DNAH5: variants seen among roughly 807,000 people sequenced by gnomAD.
DNAH5 encodes the protein dynein axonemal heavy chain 5.
A neutral mutation model predicts 518.2 loss-of-function variants in DNAH5; 372 were observed. The observed-to-expected ratio is 0.72, with a 90% confidence interval of 0.66 to 0.78. DNAH5 has a LOEUF of 0.78. Ranked by LOEUF, DNAH5 falls within the 30% of genes least tolerant of loss-of-function variation. The pLI, the probability that DNAH5 is intolerant of heterozygous loss-of-function variation, is 0.00. For synonymous variants in DNAH5, 2,039 were observed against 2,025.9 expected (o/e 1.01, Z -0.17); for missense variants, 5,523 against 5,687.0 (o/e 0.97, Z 0.93).
At chr5:13,739,608 T>G (rs973933865) in intron 65 of DNAH5, among the ~76,000 whole-genome samples, 36 of 152,052 alleles carry the variant, frequency 2.4e-4, no homozygotes, top group Admixed American at 2.6e-4. Flanking sequence ...AAATCTAGAG[T>G]GAGGCAGTGA....
In DNAH5 at chr5:13,900,378, A is replaced by T. The variant is rs1002831578; in HGVS notation, c.2087T>A (p.Leu696Ter). 1.2e-6 allele frequency: 2 copies of T among 1,614,010 alleles called. No individual in the cohort carries two copies. The highest frequency in any genetic ancestry group is 1.3e-5 in the African/African-American group (1 of 74,906). The change falls in exon 15 of 79, where the codon TTA (leucine) becomes TAA (stop). Residue 696 changes from leucine (L) to a stop codon, truncating the protein, a stop_gained. Coordinates refer to ENST00000265104, the MANE Select transcript of DNAH5 (RefSeq NM_001369.3). LOFTEE classifies it high-confidence loss of function. ...EEIHVGLEASLLVKAPGTGEL... is the reference protein window; with the variant it reads ...EEIHVGLEAS Reference sequence around the variant, plus strand: ...CCCTGTGCCTGGAGCCTTCACCAATAATGAAGCCTCAAGACCTACATGAAT... The same window carrying T: ...CCCTGTGCCTGGAGCCTTCACCAATTATGAAGCCTCAAGACCTACATGAAT...
At chr5:13,989,267 AG>A (rs1783318798) in intron 1 of DNAH5, among the ~76,000 whole-genome samples, 3 of 152,232 alleles carry the variant, frequency 2.0e-5, no homozygotes, top group African/African-American at 7.2e-5. Context: ...CTTCACAATA[AG>A]AAATCCATAA....
rs561555495 is a variant in DNAH5, at chr5:13,931,164, G to A, written c.138C>T (p.Ser46=). The change falls in exon 2 of 79, where the codon TCC becomes TCT. Residue 46 remains serine, a synonymous_variant. Coordinates refer to ENST00000265104, the MANE Select transcript of DNAH5 (RefSeq NM_001369.3). The part of the protein sequence containing the change: ...RHNYLFAIVA[S]CLDLNKTEVE... ...CTTCGGTTTTGTTCAGGTCCAAACAGGAAGCCACAATTGCAAATAAGTAGT... is the reference window on the plus strand; with the variant it reads ...CTTCGGTTTTGTTCAGGTCCAAACAAGAAGCCACAATTGCAAATAAGTAGT... The A allele has an allele frequency of 7.2e-5, 117 of 1,614,126 alleles. 1 individual carries two copies. In the South Asian group the frequency reaches 1.2e-3, roughly 16 times the overall value.
chr5:13,986,254 C>A (rs1480122608), intron 1 of DNAH5, among the ~76,000 whole-genome samples: 1 of 152,262 alleles, frequency 6.6e-6, no homozygotes, highest in African/African-American at 2.4e-5. Flanking sequence ...CCCAGCAGCC[C>A]AGGGGTGGAA....
At chr5:13,736,758 A>G (rs1747524039) in intron 66 of DNAH5, among the ~76,000 whole-genome samples, 1 of 152,128 alleles carries the variant, frequency 6.6e-6, no homozygotes, top group Non-Finnish European at 1.5e-5. Context: ...ATAAAATACT[A>G]AAAGATAGCC....
intron 1 of DNAH5, among the ~76,000 whole-genome samples, chr5:14,006,035 C>A (rs1434968169): frequency 7.0e-6 from 1 of 142,126 alleles, no homozygotes; most frequent in African/African-American, 2.6e-5. Context: ...TGCAGACCCA[C>A]ACCTTTTGTC....
chr5:13,860,571 G>A lies in DNAH5; in HGVS notation c.4797-966C>T, dbSNP rs1392163959. On this transcript the variant is annotated intron_variant, in intron 29 of 78. Transcript: ENST00000265104. Reference sequence around the variant, plus strand: ...TACATGAAATGTGAGTAGTGGCATTGGATGTAATGGGTAGTATGGGGAATA... The same window carrying A: ...TACATGAAATGTGAGTAGTGGCATTAGATGTAATGGGTAGTATGGGGAATA... 5 of 152,248 alleles carry A rather than the reference G, an allele frequency of 3.3e-5. No homozygotes were observed. The East Asian group carries it at 9.7e-4, about 29-fold the overall frequency. The allele number at this position is 152,248 out of a possible 1,614,324, so 9.4% of individuals were successfully genotyped here. A position where few individuals can be genotyped will look rare whatever the true frequency, so the allele number is the denominator to read the frequency against.
At chr5:13,735,535 G>A (rs1360240524) in intron 67 of DNAH5, among the ~76,000 whole-genome samples, 1 of 152,112 alleles carries the variant, frequency 6.6e-6, no homozygotes, top group African/African-American at 2.4e-5. Context: ...AATTCTACCT[G>A]CAGGGCATCA....
At chr5:13,727,684 G>C in intron 69 of DNAH5, 28 bp from the exon 70 acceptor site, 5 of 1,613,338 alleles carry the variant, frequency 3.1e-6, no homozygotes, top group South Asian at 1.1e-5. Context: ...TAAAAACTGT[G>C]TCATGCCACC....
intron 78 of DNAH5, among the ~76,000 whole-genome samples, chr5:13,696,692 A>G (rs943467658): frequency 1.3e-5 from 2 of 152,204 alleles, no homozygotes; most frequent in Non-Finnish European, 2.9e-5. Context: ...AATTGAGTAA[A>G]AATTAAATAT....
In DNAH5 at chr5:13,830,090, G is replaced by T. The variant is rs1004071220; in HGVS notation, c.6185C>A (p.Ser2062Tyr). Reference sequence around the variant, plus strand: ...ATTATCTCCATCAGTAAAGATAAAAGACTTTTTGTGCTCCTTTTTACATGT... The same window carrying T: ...ATTATCTCCATCAGTAAAGATAAAATACTTTTTGTGCTCCTTTTTACATGT... ...ILTCKKEHKK[S>Y]FIFTDGDNVT... The change falls in exon 37 of 79, where the codon TCT (serine) becomes TAT (tyrosine). Residue 2062 changes from serine (S) to tyrosine (Y), a missense_variant. This residue lies in a region of DNAH5 where 5,121 missense variants were observed against 5,223.3 expected (regional missense o/e 0.98). Transcript: ENST00000265104. The T allele has an allele frequency of 6.2e-6, 10 of 1,613,996 alleles. No homozygotes were observed. The highest frequency in any genetic ancestry group is 8.5e-6 in the Non-Finnish European group (10 of 1,179,956).
At chr5:13,950,438 G>A (rs907668887) in intron 1 of DNAH5, among the ~76,000 whole-genome samples, 4 of 152,004 alleles carry the variant, frequency 2.6e-5, no homozygotes, top group African/African-American at 9.7e-5. Flanking sequence ...CACCACGCCT[G>A]GCTAATTTTG....
At position 13,750,963 on chromosome 5, in the gene DNAH5, A is replaced by T. The variant is rs565631599; in HGVS notation, c.11211+115T>A. On this transcript the variant is annotated intron_variant, in intron 65 of 78. Transcript: ENST00000265104. ...CACTTGGAGATTAATGGAAAAAAAC[A>T]CAGGGAATAAAAGGAGAGAAACTCA... 7 of 1,177,968 alleles carry T rather than the reference A, an allele frequency of 5.9e-6. No individual in the cohort carries two copies. In the South Asian group the frequency reaches 9.5e-5, roughly 16 times the overall value. The allele number at this position is 1,177,968 out of a possible 1,614,324, so 73.0% of individuals were successfully genotyped here.
chr5:13,778,388 T>C (rs1391560678), intron 53 of DNAH5, among the ~76,000 whole-genome samples: 1 of 146,526 alleles, frequency 6.8e-6, no homozygotes, highest in African/African-American at 2.5e-5. Flanking sequence ...CAAATACTTC[T>C]AGAAGACACC....
At position 13,914,569 on chromosome 5, in the gene DNAH5, G is replaced by T. The variant is rs757253853; in HGVS notation, c.1271C>A (p.Pro424Gln). 2 of 1,613,404 alleles carry T rather than the reference G, an allele frequency of 1.2e-6. No homozygotes were observed. Among genetic ancestry groups the T allele is most frequent in the South Asian group, 2.2e-5 (2 of 91,050 alleles). The change falls in exon 10 of 79, where the codon CCA becomes CAA. Residue 424 changes from proline (P) to glutamine (Q), a missense_variant. Pro to Gln is a moderately conservative substitution (Grantham distance 76). Coordinates refer to ENST00000265104, the MANE Select transcript of DNAH5 (RefSeq NM_001369.3). ...TATTTTTTCTTCAACAACATCCTGT[G>T]GCTGGTTCCAGATGGAAGCGGTTCC... ...NNGTASIWNQ[P>Q]QDVVEEKILS...
intron 68 of DNAH5, among the ~76,000 whole-genome samples, chr5:13,733,286 T>A (rs1267150007): frequency 6.6e-6 from 1 of 152,220 alleles, no homozygotes; most frequent in Non-Finnish European, 1.5e-5. Flanking sequence ...CTAAATCTTA[T>A]GTTTGCTATC....
At chr5:13,962,691 A>G (rs1781262649) in intron 1 of DNAH5, among the ~76,000 whole-genome samples, 1 of 152,228 alleles carries the variant, frequency 6.6e-6, no homozygotes, top group South Asian at 2.1e-4. Context: ...GTGGTGGGAA[A>G]GAAGAACTTG....
chr5:13,727,717 C>A, intron 69 of DNAH5, 61 bp from the exon 70 acceptor site: 2 of 1,586,522 alleles, frequency 1.3e-6, no homozygotes, highest in South Asian at 1.1e-5. Flanking sequence ...AGTAACAGGT[C>A]ATAGATATGT....
At chr5:13,715,637 C>T (rs542536272) in intron 74 of DNAH5, among the ~76,000 whole-genome samples, 8 of 152,214 alleles carry the variant, frequency 5.3e-5, no homozygotes, top group African/African-American at 1.2e-4. Flanking sequence ...GATAAATCTT[C>T]GATAGAGACC....
Sources: allele counts gnomAD v4.1 joint callset (sites outside exome capture counted in the v4.1 genomes callset), GRCh38; gene constraint gnomAD v4.1.1; regional missense constraint gnomAD v4.1.1; transcripts MANE v1.5; gene names NCBI Gene and HGNC (gene_info 2026-07-23, HGNC 2026-07-21).